PKD1L1: variants seen among roughly 807,000 people sequenced by gnomAD.
PKD1L1 encodes the protein polycystin 1 like 1, transient receptor potential channel interacting, also known as polycystin-1-like protein 1.
PKD1L1 carries 236 observed loss-of-function variants against 323.4 expected under a neutral mutation model. The ratio of observed to expected loss-of-function variants is 0.73; its 90% CI spans 0.66 to 0.81. The LOEUF is 0.81. Ranked by LOEUF, PKD1L1 falls within the 40% of genes least tolerant of loss-of-function variation. The pLI is 0.00. For missense variants in PKD1L1, 3,320 were observed against 3,508.0 expected (o/e 0.95, Z 1.35); for synonymous variants, 1,344 against 1,335.0 (o/e 1.01, Z -0.15).
At chr7:47,906,428 A>G (rs1356278195) in intron 9 of PKD1L1, among the ~76,000 whole-genome samples, 1 of 152,196 alleles carries the variant, frequency 6.6e-6, no homozygotes, top group Non-Finnish European at 1.5e-5. Context: ...CATATAGCAT[A>G]TACACACATA....
In PKD1L1 at chr7:47,943,163, A is replaced by AATAT. The variant is rs60168291; in HGVS notation, c.160+229_160+232dup. 9.4e-4 allele frequency among the ~76,000 whole-genome samples: 32 copies of AATAT among 34,140 alleles called. 1 individual carries two copies. The highest frequency in any genetic ancestry group is 1.6e-3 in the Admixed American group (4 of 2,536). The allele number at this position is 34,140 out of a possible 152,430, so 22.4% of individuals were successfully genotyped here. ...TCCGTCTCAAAAAAAAAAAAAAAAA[A>AATAT]ATATATATATATATATATATATATA... On this transcript the variant is annotated intron_variant, in intron 2 of 56. Coordinates refer to ENST00000289672, the MANE Select transcript of PKD1L1 (RefSeq NM_138295.5).
chr7:47,896,329 CAAAAAAAAAAAA>C (rs34061319), intron 14 of PKD1L1, among the ~76,000 whole-genome samples: 1 of 46,870 alleles, frequency 2.1e-5, no homozygotes, highest in East Asian at 6.7e-4. Context: ...GACCCTGTCT[CAAAAAAAAAAAA>C]AAAAAAAAAA....
chr7:47,835,357 A>G, intron 37 of PKD1L1, 114 bp from the exon 38 acceptor site: 1 of 632,934 alleles, frequency 1.6e-6, no homozygotes, highest in Non-Finnish European at 2.7e-6. Context: ...ATATTTAATA[A>G]AAGTGCTCTC....
At chr7:47,948,603 C>T (rs951552959), upstream of PKD1L1, 20 of 623,126 alleles carry the variant, frequency 3.2e-5, no homozygotes, top group African/African-American at 2.7e-4. Context: ...ACTCCAGTAA[C>T]ATTTTCCCAA....
rs897900295 is a variant in PKD1L1 at position 47,905,175 on chromosome 7, C to CT, written c.1672dup (p.Arg558LysfsTer13). 5.0e-6 allele frequency: 8 copies of CT among 1,613,810 alleles called. No individual in the cohort carries two copies. The highest frequency in any genetic ancestry group is 5.9e-6 in the Non-Finnish European group (7 of 1,179,944). On this transcript the variant is annotated frameshift_variant, in exon 11 of 57. Coordinates refer to ENST00000289672, the MANE Select transcript of PKD1L1 (RefSeq NM_138295.5). LOFTEE classifies it high-confidence loss of function. ...TACTGACCATTGGGGGATGCTGAGTCTTTTTTTAATGCTTCTTGAAGTTGT... is the reference window on the plus strand; with the variant it reads ...TACTGACCATTGGGGGATGCTGAGTCTTTTTTTTAATGCTTCTTGAAGTTGT...
intron 46 of PKD1L1, chr7:47,819,860 C>T: frequency 4.2e-6 from 1 of 239,064 alleles, no homozygotes; most frequent in Non-Finnish European, 8.1e-6. Flanking sequence ...GACTTTCCAG[C>T]CACTCACTTC....
chr7:47,821,130 C>G lies in PKD1L1; in HGVS notation c.6911G>C (p.Arg2304Thr), dbSNP rs770607352. The G allele has an allele frequency of 1.2e-6, 2 of 1,610,722 alleles. No homozygotes were observed. Among genetic ancestry groups the G allele is most frequent in the Non-Finnish European group, 8.5e-7 (1 of 1,176,922 alleles). Residue 2304 changes from arginine to threonine, a missense_variant, in exon 46 of 57, where the codon AGA becomes ACA. Physicochemically the swap from Arg to Thr is moderately conservative, Grantham distance 71. Transcript: ENST00000289672. ...LLLLLCVIYG[R>T]FSQDEYSLNQ... ...GAGGGAGTATTCATCTTGGGAAAAT[C>G]TCCCATATATTACACACAAAAGCAG...
Position 47,929,246 on chromosome 7 carries a change from A to T in PKD1L1, c.1018T>A (p.Ser340Thr), listed in dbSNP as rs2128755190. 6 of 1,614,078 alleles carry T rather than the reference A, an allele frequency of 3.7e-6. No homozygotes were observed. Among genetic ancestry groups the T allele is most frequent in the Non-Finnish European group, 5.1e-6 (6 of 1,180,014 alleles). ...TAGGCAGTCACCGCCATTGCCTCAG[A>T]CATGTTGTGTAGCCTCATTTCAACC... ...SGVEMRLHNMSEAMAVTAYHQ... is the reference protein window; with the variant it reads ...SGVEMRLHNMTEAMAVTAYHQ... The change falls in exon 7 of 57, where the codon TCT (serine) becomes ACT (threonine). Residue 340 changes from serine (S) to threonine (T), a missense_variant. Physicochemically the swap from Ser to Thr is moderately conservative, Grantham distance 58. Transcript: ENST00000289672.
intron 8 of PKD1L1, among the ~76,000 whole-genome samples, chr7:47,911,141 A>G (rs575218133): frequency 1.3e-5 from 2 of 152,242 alleles, no homozygotes; most frequent in Admixed American, 6.5e-5. Flanking sequence ...ATTCCTCATG[A>G]ATGGTTTAGT....
At position 47,858,856 on chromosome 7, in the gene PKD1L1, G is replaced by C. The variant is rs747276285; in HGVS notation, c.4179C>G (p.Leu1393=). 6.2e-7 allele frequency: 1 copy of C among 1,613,892 alleles called. No individual in the cohort carries two copies. Among genetic ancestry groups the C allele is most frequent in the African/African-American group, 1.3e-5 (1 of 74,898 alleles). ...GAGCAAGGAGTGCCCGGGTGTACTT[G>C]AGGATGAGAACCGCACTCATAAAGC... ...KLGFMSAVLI[L]KYTRALLAQG... is the part of the protein sequence containing the mutation. The change falls in exon 27 of 57, where the codon CTC becomes CTG. Residue 1393 remains leucine (L), a synonymous_variant. Transcript: ENST00000289672.
chr7:47,822,127 C>A (rs1002610147), intron 45 of PKD1L1, among the ~76,000 whole-genome samples: 4 of 152,156 alleles, frequency 2.6e-5, no homozygotes, highest in African/African-American at 7.2e-5. Context: ...GTCTATCTGT[C>A]CCCAAATATC....
intron 31 of PKD1L1, among the ~76,000 whole-genome samples, chr7:47,847,483 C>T (rs1785690411): frequency 6.6e-6 from 1 of 152,154 alleles, no homozygotes; most frequent in African/African-American, 2.4e-5. Flanking sequence ...TGCGAAATTT[C>T]AGTATACCCA....
At position 47,898,071 on chromosome 7, in the gene PKD1L1, G is replaced by A. The variant is rs749149122; in HGVS notation, c.2188C>T (p.Pro730Ser). The change falls in exon 14 of 57, where the codon CCT becomes TCT. Residue 730 changes from proline to serine, a missense_variant. Pro to Ser is a moderately conservative substitution (Grantham distance 74, BLOSUM62 -1). Coordinates refer to ENST00000289672, the MANE Select transcript of PKD1L1 (RefSeq NM_138295.5). ...TGTCTGTGAGTGTCCACAGCAGCAG[G>A]GAGGGAGACAGGGAGCCCTTCAGAG... is the stretch of plus-strand genomic sequence containing the variant. ...MDSEGLPVSL[P>S]AAVDTHRQTL... is the part of the protein sequence containing the mutation. The A allele has an allele frequency of 1.9e-6, 3 of 1,613,990 alleles. No homozygotes were observed. Among genetic ancestry groups the A allele is most frequent in the South Asian group, 2.2e-5 (2 of 91,068 alleles).
chr7:47,953,549 T>C, the PKD1L1 span, among the ~76,000 whole-genome samples: 366 of 152,326 alleles, frequency 2.4e-3, 1 homozygote, highest in Middle Eastern at 6.8e-3. Flanking sequence ...AGCACCACTG[T>C]TTCTCTTGGT....
At chr7:47,819,010 C>T (rs1356786591) in intron 46 of PKD1L1, among the ~76,000 whole-genome samples, 1 of 152,146 alleles carries the variant, frequency 6.6e-6, no homozygotes, top group Admixed American at 6.5e-5. Flanking sequence ...GGCCCAGTCT[C>T]GGAACTCTGT....
intron 7 of PKD1L1, among the ~76,000 whole-genome samples, chr7:47,927,564 G>A (rs1476120732): frequency 2.0e-5 from 3 of 152,042 alleles, no homozygotes; most frequent in South Asian, 4.2e-4. Flanking sequence ...ACATCCAGCC[G>A]ACAAATTTTC....
rs1480243647 is a variant in PKD1L1, at chr7:47,886,514, G to T, written c.2837-460C>A. On this transcript the variant is annotated intron_variant, in intron 17 of 56. Coordinates refer to ENST00000289672, the MANE Select transcript of PKD1L1 (RefSeq NM_138295.5). ...CCAGTGTTGGAGGGGGAGCCTGGTGGGAGGTGTTTAGATCATGGGGGTGGA... is the reference window on the plus strand; with the variant it reads ...CCAGTGTTGGAGGGGGAGCCTGGTGTGAGGTGTTTAGATCATGGGGGTGGA... Among the ~76,000 whole-genome samples, 4 of 152,268 alleles carry T rather than the reference G, an allele frequency of 2.6e-5. No homozygotes were observed. The East Asian group carries it at 7.7e-4, about 29-fold the overall frequency.
chr7:47,919,067 G>A (rs1221857266), intron 7 of PKD1L1, among the ~76,000 whole-genome samples: 1 of 151,794 alleles, frequency 6.6e-6, no homozygotes, highest in Non-Finnish European at 1.5e-5. Context: ...AAATACAAAA[G>A]ATAAATAAAA....
chr7:47,883,946 A>G (rs986309939), intron 19 of PKD1L1, among the ~76,000 whole-genome samples: 1 of 152,266 alleles, frequency 6.6e-6, no homozygotes, highest in African/African-American at 2.4e-5. Context: ...ATAGATGAAT[A>G]AGTCATTCGC....
Sources: gnomAD v4.1 joint callset for allele counts (sites outside exome capture counted in the v4.1 genomes callset) on GRCh38, gnomAD v4.1.1 for gene constraint, MANE v1.5 for transcripts, NCBI Gene and HGNC (gene_info 2026-07-23, HGNC 2026-07-21) for gene names.